Variants in KIAA0825 observed in about 807,000 individuals in gnomAD.
KIAA0825 encodes the protein uncharacterized protein KIAA0825.
Under a neutral mutation model 147.6 loss-of-function variants are expected in KIAA0825, and 119 were observed. The observed-to-expected ratio is 0.81, with a 90% CI of 0.69 to 0.94. The LOEUF (loss-of-function observed/expected upper bound fraction) is 0.94. Ranked by LOEUF, KIAA0825 falls within the 40% of genes least tolerant of loss-of-function variation. The pLI, the probability that KIAA0825 is intolerant of heterozygous loss-of-function variation, is 0.00. For missense variants in KIAA0825, 1,381 were observed against 1,472.7 expected (o/e 0.94, Z 1.02); for synonymous variants, 470 against 518.1 (o/e 0.91, Z 1.26).
intron 1 of KIAA0825, chr5:94,594,897 G>A (rs76084047): frequency 3.5e-6 from 1 of 287,688 alleles, no homozygotes; most frequent in Non-Finnish European, 6.6e-6. Context: ...AAAAAAAAAA[G>A]CTCCAAAATA....
chr5:94,470,229 A>G, intron 9 of KIAA0825, 118 bp from the exon 10 acceptor site: 1 of 637,174 alleles, frequency 1.6e-6, no homozygotes, highest in Non-Finnish European at 2.3e-6. Context: ...TTTCCTCTTA[A>G]TGCTGAAGTC....
intron 20 of KIAA0825, among the ~76,000 whole-genome samples, chr5:94,248,157 A>G (rs1347583199): frequency 6.6e-6 from 1 of 152,174 alleles, no homozygotes; most frequent in African/African-American, 2.4e-5. Context: ...AAAATGCAAA[A>G]GAGTATCAGA....
intron 5 of KIAA0825, among the ~76,000 whole-genome samples, chr5:94,493,710 A>G (rs1228775579): frequency 1.3e-5 from 2 of 152,066 alleles, no homozygotes; most frequent in Admixed American, 1.3e-4. Context: ...GGATGGTCTC[A>G]ATCTCCTGAC....
chr5:94,306,894 A>G (rs569644330), intron 20 of KIAA0825, among the ~76,000 whole-genome samples: 14 of 151,938 alleles, frequency 9.2e-5, no homozygotes, highest in East Asian at 1.9e-4. Flanking sequence ...CAAATCATCT[A>G]TAGAGCTGAT....
In KIAA0825 at chr5:94,520,300, C is replaced by T. The variant is rs754182375; in HGVS notation, c.918G>A (p.Val306=). The change falls in exon 5 of 21, where the codon GTG becomes GTA. Residue 306 remains valine, a synonymous_variant. Transcript: ENST00000682413. ...TGCTGGAGCTCTTGCTTGTTTTAAC[C>T]ACACGAACAGCATTTTCTCTGAACT... ...ELQFRENAVR[V]VKTSKSSSKH... is the part of the protein sequence containing the mutation. The T allele has an allele frequency of 3.2e-5, 51 of 1,613,252 alleles. No homozygotes were observed. The highest frequency in any genetic ancestry group is 4.2e-5 in the Non-Finnish European group (49 of 1,179,504).
At chr5:94,341,077 A>G (rs573031764) in intron 20 of KIAA0825, among the ~76,000 whole-genome samples, 4 of 152,320 alleles carry the variant, frequency 2.6e-5, no homozygotes, top group Admixed American at 2.6e-4. Flanking sequence ...AATAATATTC[A>G]GCTTCAAAAA....
At chr5:94,421,452 G>T (rs557039628) in intron 14 of KIAA0825, among the ~76,000 whole-genome samples, 1 of 152,112 alleles carries the variant, frequency 6.6e-6, no homozygotes, top group Admixed American at 6.6e-5. Flanking sequence ...TATGCTCATT[G>T]CTGTGTTCCC....
At chr5:94,208,409 C>T (rs984049374) in intron 20 of KIAA0825, among the ~76,000 whole-genome samples, 5 of 152,136 alleles carry the variant, frequency 3.3e-5, no homozygotes, top group African/African-American at 1.2e-4. Context: ...ATTCCACAAA[C>T]ATTTACTGTA....
intron 14 of KIAA0825, among the ~76,000 whole-genome samples, chr5:94,421,512 T>TA (rs1191236370): frequency 6.6e-6 from 1 of 152,204 alleles, no homozygotes; most frequent in Non-Finnish European, 1.5e-5. Context: ...CTCAATGCCT[T>TA]AGCAGTATTT....
intron 20 of KIAA0825, among the ~76,000 whole-genome samples, chr5:94,289,289 A>G (rs1562351401): frequency 6.6e-6 from 1 of 152,134 alleles, no homozygotes; most frequent in Non-Finnish European, 1.5e-5. Context: ...TAATCCCAAC[A>G]CTTTGGGAGG....
chr5:94,551,101 T>C (rs1775450872), intron 2 of KIAA0825, among the ~76,000 whole-genome samples: 1 of 150,360 alleles, frequency 6.7e-6, no homozygotes, highest in African/African-American at 2.5e-5. Flanking sequence ...AAATATAACA[T>C]AAAGCTTTAA....
At chr5:94,473,047 A>G (rs1015856977) in intron 8 of KIAA0825, among the ~76,000 whole-genome samples, 5 of 152,170 alleles carry the variant, frequency 3.3e-5, no homozygotes, top group Admixed American at 1.3e-4. Flanking sequence ...CCAGCTCCCC[A>G]TGAAGTCACA....
intron 20 of KIAA0825, among the ~76,000 whole-genome samples, chr5:94,258,278 T>G (rs72771633): frequency 0.037 from 5,633 of 152,088 alleles, 167 homozygotes; most frequent in East Asian, 0.12. Flanking sequence ...GTTTATTTTT[T>G]TATCATTAAC....
chr5:94,213,101 C>T (rs929750159), intron 20 of KIAA0825, among the ~76,000 whole-genome samples: 11 of 152,100 alleles, frequency 7.2e-5, no homozygotes, highest in African/African-American at 2.4e-4. Flanking sequence ...GTAACTTGAC[C>T]AAAGACTTAG....
chr5:94,201,874 G>A (rs1295058903), intron 20 of KIAA0825, among the ~76,000 whole-genome samples: 1 of 152,106 alleles, frequency 6.6e-6, no homozygotes, highest in Non-Finnish European at 1.5e-5. Context: ...GCAGTGTGGG[G>A]GTCAGTGGAT....
At chr5:94,390,092 C>G (rs767549040) in intron 18 of KIAA0825, among the ~76,000 whole-genome samples, 3 of 152,164 alleles carry the variant, frequency 2.0e-5, no homozygotes, top group Non-Finnish European at 2.9e-5. Flanking sequence ...GGAAGTACAG[C>G]CTTTGGCTTT....
intron 20 of KIAA0825, among the ~76,000 whole-genome samples, chr5:94,353,262 G>C (rs1315620977): frequency 6.6e-6 from 1 of 151,986 alleles, no homozygotes; most frequent in Non-Finnish European, 1.5e-5. Flanking sequence ...GATTCTCTTT[G>C]TATCCAAAAG....
rs77562970 is a variant in KIAA0825 at position 94,506,134 on chromosome 5, C to T, written c.970+14114G>A. 4.9e-3 allele frequency among the ~76,000 whole-genome samples: 753 copies of T among 152,320 alleles called. 4 individuals are homozygous for T. Among genetic ancestry groups the T allele is most frequent in the African/African-American group, 0.017 (724 of 41,562 alleles). On this transcript the variant is annotated intron_variant, in intron 5 of 20. Coordinates refer to ENST00000682413, the MANE Select transcript of KIAA0825 (RefSeq NM_001145678.3). ...TGATTATTGCTTTCACCTAATACAA[C>T]AAAGGGCTACCTTTCACAATCAATT...
intron 3 of KIAA0825, among the ~76,000 whole-genome samples, chr5:94,524,555 T>G (rs1444875227): frequency 1.3e-5 from 2 of 151,730 alleles, no homozygotes; most frequent in African/African-American, 4.8e-5. Flanking sequence ...AGCTTATAAT[T>G]TTAAAAGTTG....
Sources: gnomAD v4.1 joint callset for allele counts (sites outside exome capture counted in the v4.1 genomes callset) on GRCh38, gnomAD v4.1.1 for gene constraint, MANE v1.5 for transcripts, NCBI Gene and HGNC (gene_info 2026-07-23, HGNC 2026-07-21) for gene names.